The following ARHGAP18 variants were observed in gnomAD, a reference collection of about 807,000 sequenced individuals.
ARHGAP18 encodes rho GTPase-activating protein 18.
ARHGAP18 carries 67 observed loss-of-function variants against 86.2 expected under a neutral mutation model. The observed-to-expected ratio is 0.78, with a 90% confidence interval of 0.64 to 0.95. The LOEUF (loss-of-function observed/expected upper bound fraction) is 0.95. Among genes scored for constraint, ARHGAP18 ranks in the 40% least tolerant of loss-of-function variants. ARHGAP18 has a pLI of 0.00. For synonymous variants in ARHGAP18, 283 were observed against 280.4 expected, an observed-to-expected ratio of 1.01 and a Z score of -0.09; for missense variants, 691 against 780.4, an observed-to-expected ratio of 0.89 and a Z score of 1.37.
Position 129,611,555 on chromosome 6 carries a change from G to T in ARHGAP18, c.1100C>A (p.Pro367His), listed in dbSNP as rs372455896. The T allele has an allele frequency of 1.2e-6, 2 of 1,613,728 alleles. No homozygotes were observed. The highest frequency in any genetic ancestry group is 8.5e-7 in the Non-Finnish European group (1 of 1,179,790). ...GLETEGLLRI[P>H]GAAIRIKNLC... ...TACCTTGATTCTAATGGCAGCTCCAGGGATCCGTAAGAGGCCTTCTGTTTC... is the reference window on the plus strand; with the variant it reads ...TACCTTGATTCTAATGGCAGCTCCATGGATCCGTAAGAGGCCTTCTGTTTC... The change falls in exon 8 of 15, where the codon CCT becomes CAT. Residue 367 changes from proline to histidine, a missense_variant. Pro to His is a moderately conservative substitution (Grantham distance 77). Coordinates refer to ENST00000368149, the MANE Select transcript of ARHGAP18 (RefSeq NM_033515.3).
At chr6:129,658,154 G>C (rs1167210543) in intron 1 of ARHGAP18, among the ~76,000 whole-genome samples, 1 of 152,090 alleles carries the variant, frequency 6.6e-6, no homozygotes, top group African/African-American at 2.4e-5. Flanking sequence ...TCCTACAAAA[G>C]GAATGACAAT....
intron 5 of ARHGAP18, among the ~76,000 whole-genome samples, chr6:129,626,065 TACACACACACACACACACAC>T (rs71028169): frequency 9.8e-6 from 1 of 101,532 alleles, no homozygotes; most frequent in Non-Finnish European, 1.9e-5. Flanking sequence ...TATACACATA[TACACACACACACACACACAC>T]ACACACACAC....
chr6:129,590,955 C>T (rs1311045047), intron 12 of ARHGAP18, among the ~76,000 whole-genome samples: 9 of 152,192 alleles, frequency 5.9e-5, no homozygotes, highest in South Asian at 2.1e-4. Context: ...GAAGAAGAAA[C>T]GAGTTTAACC....
intron 1 of ARHGAP18, among the ~76,000 whole-genome samples, chr6:129,683,041 GTGTTT>G (rs372782705): frequency 1.2e-4 from 18 of 147,126 alleles, no homozygotes; most frequent in African/African-American, 3.5e-4. Flanking sequence ...AGTGAGAAAT[GTGTTT>G]TGTTTTTTCT....
At chr6:129,675,046 C>T (rs796355752) in intron 1 of ARHGAP18, among the ~76,000 whole-genome samples, 30 of 152,320 alleles carry the variant, frequency 2.0e-4, no homozygotes, top group African/African-American at 7.0e-4. Flanking sequence ...TGAGCTCTTA[C>T]CATCTGCCAG....
intron 13 of ARHGAP18, among the ~76,000 whole-genome samples, chr6:129,582,601 A>T (rs1411605851): frequency 6.6e-6 from 1 of 152,140 alleles, no homozygotes; most frequent in Non-Finnish European, 1.5e-5. Context: ...CACTATAGGG[A>T]GCAAAGACAT....
chr6:129,633,781 C>T (rs1455288731), intron 4 of ARHGAP18, among the ~76,000 whole-genome samples: 2 of 152,112 alleles, frequency 1.3e-5, no homozygotes. Context: ...AGGTAAACAT[C>T]TCCTGATAGC....
chr6:129,667,106 C>T (rs1407691758), intron 1 of ARHGAP18, among the ~76,000 whole-genome samples: 4 of 151,998 alleles, frequency 2.6e-5, no homozygotes, highest in Non-Finnish European at 5.9e-5. Context: ...TTTATAAACT[C>T]ATTTTTTTTA....
At chr6:129,578,979 A>G (rs2114421627) in intron 14 of ARHGAP18, among the ~76,000 whole-genome samples, 1 of 152,120 alleles carries the variant, frequency 6.6e-6, no homozygotes, top group South Asian at 2.1e-4. Context: ...CAAAACAAAT[A>G]ATAATAATAA....
At chr6:129,667,845 A>G (rs193025007) in intron 1 of ARHGAP18, among the ~76,000 whole-genome samples, 59 of 152,286 alleles carry the variant, frequency 3.9e-4, no homozygotes, top group Non-Finnish European at 8.1e-4. Context: ...TGCACAAAAG[A>G]ATTGAAAATC....
At chr6:129,608,270 G>T (rs1477894915) in intron 8 of ARHGAP18, among the ~76,000 whole-genome samples, 1 of 151,702 alleles carries the variant, frequency 6.6e-6, no homozygotes, top group Non-Finnish European at 1.5e-5. Flanking sequence ...TGTACCTAAG[G>T]CCAAAAAACA....
At chr6:129,593,601 C>T (rs1337404002) in intron 12 of ARHGAP18, among the ~76,000 whole-genome samples, 1 of 152,188 alleles carries the variant, frequency 6.6e-6, no homozygotes, top group Non-Finnish European at 1.5e-5. Flanking sequence ...ACTTGTCACA[C>T]TCACTCGTGG....
chr6:129,589,783 G>A (rs1449909876), intron 12 of ARHGAP18, among the ~76,000 whole-genome samples: 1 of 152,116 alleles, frequency 6.6e-6, no homozygotes, highest in African/African-American at 2.4e-5. Flanking sequence ...TGACTCACAC[G>A]ATCACAAGGT....
At chr6:129,645,334 T>TA (rs2114503315) in intron 1 of ARHGAP18, among the ~76,000 whole-genome samples, 1 of 152,312 alleles carries the variant, frequency 6.6e-6, no homozygotes, top group East Asian at 1.9e-4. Flanking sequence ...TTTTTAGGAG[T>TA]ATGTTATATG....
At chr6:129,598,910 C>T (rs765033504) in intron 12 of ARHGAP18, 5 of 181,574 alleles carry the variant, frequency 2.8e-5, no homozygotes, top group South Asian at 1.9e-4. Flanking sequence ...AGTCTCCGCA[C>T]GAGAGGTAGA....
At chr6:129,645,258 C>T (rs898333576) in intron 1 of ARHGAP18, among the ~76,000 whole-genome samples, 2 of 152,106 alleles carry the variant, frequency 1.3e-5, no homozygotes, top group Non-Finnish European at 2.9e-5. Flanking sequence ...CAGGCAGTGA[C>T]TAAAAGTCTG....
intron 8 of ARHGAP18, among the ~76,000 whole-genome samples, chr6:129,609,316 C>G (rs1261416663): frequency 6.6e-6 from 1 of 152,144 alleles, no homozygotes; most frequent in Non-Finnish European, 1.5e-5. Context: ...CATATGACAA[C>G]AGGCTGGGTT....
At chr6:129,620,855 T>G (rs1303015594) in intron 5 of ARHGAP18, among the ~76,000 whole-genome samples, 1 of 152,228 alleles carries the variant, frequency 6.6e-6, no homozygotes, top group East Asian at 1.9e-4. Flanking sequence ...TGAGGCATTA[T>G]TTTGCCTTTT....
chr6:129,694,269 G>C (rs1439373575), intron 1 of ARHGAP18, among the ~76,000 whole-genome samples: 1 of 152,160 alleles, frequency 6.6e-6, no homozygotes, highest in Non-Finnish European at 1.5e-5. Flanking sequence ...CATTGGTAAA[G>C]ACCCTGACAA....
Sources: allele counts gnomAD v4.1 joint callset (sites outside exome capture counted in the v4.1 genomes callset), GRCh38; gene constraint gnomAD v4.1.1; transcripts MANE v1.5; gene names NCBI Gene and HGNC (gene_info 2026-07-23, HGNC 2026-07-21).